CUEDC1: variants seen among roughly 807,000 people sequenced by gnomAD.
The protein encoded by CUEDC1 is CUE domain containing 1.
CUEDC1 carries 30 observed loss-of-function variants against 43.7 expected under a neutral mutation model. That is an observed-to-expected ratio of 0.69 (90% CI 0.51 to 0.93). The LOEUF (loss-of-function observed/expected upper bound fraction) is 0.93. CUEDC1 is among the 40% of genes least tolerant of loss of function. CUEDC1 has a pLI of 0.00. For missense variants in CUEDC1, 486 were observed against 549.0 expected (o/e 0.89, Z 1.15); for synonymous variants, 223 against 223.6 (o/e 1.00, Z 0.02).
intron 8 of CUEDC1, among the ~76,000 whole-genome samples, 163 bp downstream of exon 8, chr17:57,867,987 G>A (rs570692119): frequency 6.6e-6 from 1 of 152,320 alleles, no homozygotes; most frequent in Admixed American, 6.5e-5. Flanking sequence ...ACGGGCAGTG[G>A]ACTGGTGGCC....
At chr17:57,932,090 G>A (rs973478311) in intron 1 of CUEDC1, among the ~76,000 whole-genome samples, 4 of 148,578 alleles carry the variant, frequency 2.7e-5, no homozygotes, top group African/African-American at 5.1e-5. Flanking sequence ...TGGCCAACAC[G>A]GTGAAATCCC....
intron 3 of CUEDC1, among the ~76,000 whole-genome samples, chr17:57,877,985 C>T (rs1037932788): frequency 6.6e-6 from 1 of 152,126 alleles, no homozygotes; most frequent in African/African-American, 2.4e-5. Flanking sequence ...CACCCAGACC[C>T]ACCCACTCAT....
chr17:57,918,604 A>C (rs1324670299), intron 1 of CUEDC1, among the ~76,000 whole-genome samples: 1 of 152,204 alleles, frequency 6.6e-6, no homozygotes, highest in Non-Finnish European at 1.5e-5. Context: ...CTGTTTAATA[A>C]ATATTTGAAT....
intron 6 of CUEDC1, among the ~76,000 whole-genome samples, chr17:57,870,679 C>CT (rs35465474): frequency 0.04 from 5,731 of 145,038 alleles, 400 homozygotes; most frequent in African/African-American, 0.13. Flanking sequence ...TCCTTTTCTT[C>CT]TTTTTTTTTT....
intron 3 of CUEDC1, among the ~76,000 whole-genome samples, chr17:57,877,652 C>G (rs1329165748): frequency 6.6e-6 from 1 of 151,112 alleles, no homozygotes; most frequent in Admixed American, 6.6e-5. Context: ...TTTGAGAGGC[C>G]GAGGTGGGCG....
rs201822381 is a variant in CUEDC1, at chr17:57,869,112, T to A, written c.940+10A>T. 12 of 1,613,540 alleles carry A rather than the reference T, an allele frequency of 7.4e-6. No homozygotes were observed. In the East Asian group the frequency reaches 2.5e-4, roughly 33 times the overall value. ...GCTGGGGAGGGAAGCGGGGCCTGAG[T>A]GGGACTCACACTTTCCCATGTGTTT... On this transcript the variant is annotated intron_variant, in intron 7 of 10. Transcript: ENST00000577830.
chr17:57,923,572 A>G (rs2143119450), intron 1 of CUEDC1, among the ~76,000 whole-genome samples: 1 of 152,284 alleles, frequency 6.6e-6, no homozygotes, highest in East Asian at 1.9e-4. Context: ...CCTTGGCTGG[A>G]TGTCCCAGCC....
intron 1 of CUEDC1, among the ~76,000 whole-genome samples, chr17:57,920,978 C>T (rs1027661985): frequency 2.0e-5 from 3 of 152,148 alleles, no homozygotes; most frequent in Non-Finnish European, 4.4e-5. Context: ...ATAGGTTATA[C>T]AATTTAAAAG....
chr17:57,879,348 G>A (rs1456313165), intron 3 of CUEDC1, among the ~76,000 whole-genome samples: 2 of 152,242 alleles, frequency 1.3e-5, no homozygotes, highest in Non-Finnish European at 2.9e-5. Flanking sequence ...AGCAGAGGCT[G>A]AGCTTTACTT....
intron 2 of CUEDC1, among the ~76,000 whole-genome samples, chr17:57,884,192 CTTTTTTTTTTTTTT>C (rs780667346): frequency 1.2e-5 from 1 of 81,360 alleles, no homozygotes; most frequent in East Asian, 4.8e-4. Flanking sequence ...TTTTTCTTTT[CTTTTTTTTTTTTTT>C]TTTTTTTTTG....
intron 10 of CUEDC1, among the ~76,000 whole-genome samples, chr17:57,865,426 C>T (rs890535688): frequency 3.9e-5 from 6 of 152,128 alleles, no homozygotes; most frequent in African/African-American, 1.4e-4. Flanking sequence ...TATCCTGAGG[C>T]AAGTGAGTAT....
chr17:57,898,607 T>C (rs1314031180), intron 1 of CUEDC1, among the ~76,000 whole-genome samples: 2 of 152,142 alleles, frequency 1.3e-5, no homozygotes, highest in African/African-American at 4.8e-5. Context: ...AAGCTGTCAG[T>C]CAGAGGCAGC....
intron 1 of CUEDC1, among the ~76,000 whole-genome samples, chr17:57,900,662 T>C (rs1030113346): frequency 1.9e-4 from 29 of 152,334 alleles, no homozygotes; most frequent in African/African-American, 6.7e-4. Context: ...ATTTTATAGA[T>C]AGATACACTG....
chr17:57,949,961 T>G (rs2074990858), intron 1 of CUEDC1, among the ~76,000 whole-genome samples: 1 of 152,202 alleles, frequency 6.6e-6, no homozygotes, highest in South Asian at 2.1e-4. Context: ...GGCAAGTTAT[T>G]TAAACTCTTG....
chr17:57,879,050 C>T (rs906201505), intron 3 of CUEDC1, among the ~76,000 whole-genome samples: 5 of 152,330 alleles, frequency 3.3e-5, no homozygotes, highest in Non-Finnish European at 5.9e-5. Flanking sequence ...TCCCTGCCTC[C>T]AGTTATCAAA....
intron 5 of CUEDC1, 151 bp downstream of exon 5, chr17:57,872,512 A>G: frequency 1.2e-6 from 1 of 836,588 alleles, no homozygotes; most frequent in South Asian, 1.7e-5. Context: ...TGAGGCTCCC[A>G]TGGGATAACT....
intron 1 of CUEDC1, among the ~76,000 whole-genome samples, chr17:57,928,268 C>T (rs1046331728): frequency 6.6e-6 from 1 of 151,854 alleles, no homozygotes; most frequent in Non-Finnish European, 1.5e-5. Flanking sequence ...AACCTAGGGC[C>T]GATGGGCGTG....
intron 1 of CUEDC1, among the ~76,000 whole-genome samples, chr17:57,924,483 A>C (rs1185728891): frequency 6.6e-6 from 1 of 152,312 alleles, no homozygotes; most frequent in African/African-American, 2.4e-5. Context: ...GGCAGAGAAG[A>C]AAGGGAAAAG....
chr17:57,865,199 G>A (rs149759713), intron 10 of CUEDC1, among the ~76,000 whole-genome samples: 2 of 152,210 alleles, frequency 1.3e-5, no homozygotes, highest in Non-Finnish European at 2.9e-5. Flanking sequence ...TGACAGTGGA[G>A]GCGATTCCCC....
Sources: gnomAD v4.1 joint callset for allele counts (sites outside exome capture counted in the v4.1 genomes callset) on GRCh38, gnomAD v4.1.1 for gene constraint, MANE v1.5 for transcripts, NCBI Gene and HGNC (gene_info 2026-07-23, HGNC 2026-07-21) for gene names.